NKAIN2: variants seen among roughly 807,000 people sequenced by gnomAD.
The protein encoded by NKAIN2 is sodium/potassium transporting ATPase interacting 2.
NKAIN2 carries 14 observed loss-of-function variants against 32.6 expected under a neutral mutation model. The ratio of observed to expected loss-of-function variants is 0.43; its 90% CI spans 0.28 to 0.67. The LOEUF (loss-of-function observed/expected upper bound fraction) is 0.67, where lower values mean the gene tolerates loss of function less well. Among genes scored for constraint, NKAIN2 ranks in the 30% least tolerant of loss-of-function variants. The pLI, the probability that NKAIN2 is intolerant of heterozygous loss-of-function variation, is 0.17. For missense variants in NKAIN2, 198 were observed against 258.3 expected, an observed-to-expected ratio of 0.77 and a Z score of 1.60; for synonymous variants, 80 against 87.2, an observed-to-expected ratio of 0.92 and a Z score of 0.46.
intron 3 of NKAIN2, among the ~76,000 whole-genome samples, chr6:124,426,110 T>C (rs907643138): frequency 1.3e-5 from 2 of 152,152 alleles, no homozygotes; most frequent in Admixed American, 1.3e-4. Flanking sequence ...TAGCTGATTG[T>C]ATTTTCCAAA....
At chr6:124,328,665 G>C (rs1797520613) in intron 2 of NKAIN2, among the ~76,000 whole-genome samples, 1 of 152,120 alleles carries the variant, frequency 6.6e-6, no homozygotes, top group Non-Finnish European at 1.5e-5. Flanking sequence ...TAAAGCCATG[G>C]GGGCCTTTCA....
chr6:124,513,393 C>G (rs973208715), intron 3 of NKAIN2, among the ~76,000 whole-genome samples: 3 of 152,072 alleles, frequency 2.0e-5, no homozygotes, highest in Non-Finnish European at 4.4e-5. Context: ...ATAGAAAATC[C>G]TCATCCTTGT....
chr6:124,136,084 GA>G (rs1786769986), intron 1 of NKAIN2, among the ~76,000 whole-genome samples: 1 of 151,764 alleles, frequency 6.6e-6, no homozygotes, highest in Non-Finnish European at 1.5e-5. Flanking sequence ...TAAATGAAAC[GA>G]AAAGATGTTT....
chr6:124,109,097 C>T (rs1170084459), intron 1 of NKAIN2, among the ~76,000 whole-genome samples: 1 of 151,900 alleles, frequency 6.6e-6, no homozygotes, highest in African/African-American at 2.4e-5. Flanking sequence ...TAAATTATGC[C>T]ATTGGAATTT....
At chr6:124,124,748 C>T (rs760840064) in intron 1 of NKAIN2, among the ~76,000 whole-genome samples, 6 of 152,180 alleles carry the variant, frequency 3.9e-5, no homozygotes, top group Non-Finnish European at 7.4e-5. Flanking sequence ...AAATATTGTT[C>T]TCCTGAATCA....
chr6:124,262,620 C>G (rs1794304684), intron 1 of NKAIN2, among the ~76,000 whole-genome samples: 1 of 152,008 alleles, frequency 6.6e-6, no homozygotes, highest in African/African-American at 2.4e-5. Context: ...AAGCCAAAAG[C>G]TAAAGGGATT....
At chr6:124,268,914 T>A (rs1468786365) in intron 1 of NKAIN2, among the ~76,000 whole-genome samples, 1 of 152,078 alleles carries the variant, frequency 6.6e-6, no homozygotes, top group Non-Finnish European at 1.5e-5. Context: ...AAAATGGAGA[T>A]AATATTTCCT....
At chr6:124,263,098 C>A (rs771633195) in intron 1 of NKAIN2, among the ~76,000 whole-genome samples, 9 of 152,146 alleles carry the variant, frequency 5.9e-5, no homozygotes, top group Non-Finnish European at 1.3e-4. Flanking sequence ...GAGGAAGATG[C>A]AGTGTTTACA....
At chr6:124,687,455 T>C (rs1774000397) in intron 4 of NKAIN2, among the ~76,000 whole-genome samples, 1 of 142,538 alleles carries the variant, frequency 7.0e-6, no homozygotes. Flanking sequence ...TGGTATATAT[T>C]CCATATATAC....
At chr6:124,313,218 A>G (rs940382469) in intron 2 of NKAIN2, among the ~76,000 whole-genome samples, 2 of 152,132 alleles carry the variant, frequency 1.3e-5, no homozygotes. Context: ...TCTTAATCAT[A>G]CTTCTCCAAT....
At chr6:124,201,849 T>C (rs951467620) in intron 1 of NKAIN2, among the ~76,000 whole-genome samples, 1 of 152,074 alleles carries the variant, frequency 6.6e-6, no homozygotes, top group Admixed American at 6.6e-5. Context: ...TATTGTTTTA[T>C]CCTTCATCAA....
intron 1 of NKAIN2, among the ~76,000 whole-genome samples, chr6:123,990,747 T>C (rs1779378224): frequency 6.6e-6 from 1 of 152,218 alleles, no homozygotes; most frequent in Admixed American, 6.5e-5. Flanking sequence ...TTACCCCCAT[T>C]GTTGATACTC....
rs528693442 is a variant in NKAIN2, at chr6:123,947,742, T to C, written c.54+143488T>C. ...TACCTATCATCTCGAGCATTTATCA[T>C]TTCTATATGCTGGGAACATTTCAAG... On this transcript the variant is annotated intron_variant, in intron 1 of 6. Coordinates refer to ENST00000368417, the MANE Select transcript of NKAIN2 (RefSeq NM_001040214.3). 7.9e-5 allele frequency among the ~76,000 whole-genome samples: 12 copies of C among 152,318 alleles called. No individual in the cohort carries two copies. In the South Asian group the frequency reaches 8.3e-4, roughly 11 times the overall value.
intron 3 of NKAIN2, among the ~76,000 whole-genome samples, chr6:124,420,269 C>T (rs1774687296): frequency 6.6e-6 from 1 of 152,080 alleles, no homozygotes; most frequent in African/African-American, 2.4e-5. Flanking sequence ...TTGTCTTGGC[C>T]TTACTCTCTG....
chr6:124,567,267 A>G (rs986120980), intron 3 of NKAIN2, among the ~76,000 whole-genome samples: 1 of 152,218 alleles, frequency 6.6e-6, no homozygotes, highest in Non-Finnish European at 1.5e-5. Flanking sequence ...CACAGGACGC[A>G]TGACTATTAT....
chr6:124,815,297 G>A (rs566704132), intron 5 of NKAIN2, among the ~76,000 whole-genome samples: 6 of 138,858 alleles, frequency 4.3e-5, no homozygotes, highest in Non-Finnish European at 4.8e-5. Context: ...TATTTGAGAC[G>A]GAGTTTCCCT....
intron 1 of NKAIN2, among the ~76,000 whole-genome samples, chr6:123,909,065 A>G (rs560703914): frequency 3.9e-5 from 6 of 152,280 alleles, no homozygotes; most frequent in African/African-American, 9.6e-5. Flanking sequence ...CAGATGTCCT[A>G]TGAATATATT....
chr6:124,774,856 CAAAA>C (rs777636496), intron 4 of NKAIN2, among the ~76,000 whole-genome samples: 7 of 72,812 alleles, frequency 9.6e-5, no homozygotes, highest in Non-Finnish European at 1.5e-4. Flanking sequence ...AACTTCATCT[CAAAA>C]AAAAAAAAAA....
intron 3 of NKAIN2, among the ~76,000 whole-genome samples, chr6:124,438,406 A>G (rs937829716): frequency 2.0e-5 from 3 of 152,206 alleles, no homozygotes; most frequent in Non-Finnish European, 2.9e-5. Flanking sequence ...ATCCTTACTT[A>G]TGTTATCAAT....
Sources: allele counts gnomAD v4.1 joint callset (sites outside exome capture counted in the v4.1 genomes callset), GRCh38; gene constraint gnomAD v4.1.1; transcripts MANE v1.5; gene names NCBI Gene and HGNC (gene_info 2026-07-23, HGNC 2026-07-21).